Variants in ABCC4 observed in about 807,000 individuals in gnomAD.
ABCC4 encodes ATP binding cassette subfamily C member 4 (PEL blood group).
Under a neutral mutation model 168.5 loss-of-function variants are expected in ABCC4, and 102 were observed. The observed-to-expected ratio is 0.61, with a 90% confidence interval of 0.52 to 0.71. ABCC4 has a LOEUF of 0.71. ABCC4 is among the 30% of genes least tolerant of loss of function. ABCC4 has a pLI of 0.00. For missense variants in ABCC4, 1,402 were observed against 1,605.8 expected (o/e 0.87, Z 2.17); for synonymous variants, 617 against 590.7 (o/e 1.04, Z -0.65).
At chr13:95,080,640 A>G (rs576244286) in intron 21 of ABCC4, among the ~76,000 whole-genome samples, 30 of 152,206 alleles carry the variant, frequency 2.0e-4, no homozygotes, top group African/African-American at 7.0e-4. Flanking sequence ...CGCCCAGCTA[A>G]TTTTGTATTT....
In ABCC4 at chr13:95,074,247, T is replaced by C. The variant is rs1566393904; in HGVS notation, c.2884A>G (p.Ile962Val). The change falls in exon 23 of 31, where the codon ATC (isoleucine) becomes GTC (valine). Residue 962 changes from isoleucine to valine, a missense_variant. Physicochemically the swap from Ile to Val is conservative, Grantham distance 29. Around this residue, in one of 3 missense-constraint regions of ABCC4, gnomAD observed 1,007 missense variants for 1,127.3 expected, o/e 0.89. Transcript: ENST00000645237. ...AGAATCAGGGACCCAAAGGCAACGA[T>C]GATGACAAACATGGCACAGATGGCA... ...LDAICAMFVI[I>V]VAFGSLILAK... The C allele has an allele frequency of 1.2e-6, 2 of 1,614,018 alleles. No homozygotes were observed. Among genetic ancestry groups the C allele is most frequent in the Admixed American group, 1.7e-5 (1 of 60,002 alleles).
In ABCC4 at chr13:95,177,895, C is replaced by T. The variant is rs2037760885; in HGVS notation, c.1640+102G>A. The T allele has an allele frequency of 2.7e-6, 4 of 1,495,984 alleles. No homozygotes were observed. The East Asian group carries it at 9.1e-5, about 34-fold the overall frequency. 92.7% of individuals were successfully genotyped at this position (1,495,984 alleles called of 1,614,324 possible). ...GCCAACAGAATAACCCAAGAAGGTG[C>T]TTCACACAGGACGCAATACACAGTA... On this transcript the variant is annotated intron_variant, in intron 12 of 30. Transcript: ENST00000645237.
intron 3 of ABCC4, among the ~76,000 whole-genome samples, chr13:95,246,542 T>A (rs912300059): frequency 6.6e-6 from 1 of 152,192 alleles, no homozygotes; most frequent in Non-Finnish European, 1.5e-5. Flanking sequence ...ACCTGTAAAA[T>A]GTCTTACATT....
intron 21 of ABCC4, among the ~76,000 whole-genome samples, chr13:95,076,802 C>T (rs1351257): frequency 0.24 from 35,911 of 151,798 alleles, 4,502 homozygotes; most frequent in African/African-American, 0.32. Flanking sequence ...ACTCTGTCAC[C>T]GAGGCTGGGT....
intron 3 of ABCC4, among the ~76,000 whole-genome samples, chr13:95,237,714 C>T (rs774930865): frequency 1.6e-4 from 25 of 152,202 alleles, no homozygotes; most frequent in South Asian, 8.3e-4. Context: ...AGCGGGCACG[C>T]GGCCTCCATG....
At chr13:95,182,649 C>T (rs1034931258) in intron 11 of ABCC4, among the ~76,000 whole-genome samples, 4 of 152,158 alleles carry the variant, frequency 2.6e-5, no homozygotes. Flanking sequence ...AAATCTTATC[C>T]TCACAATAGC....
At chr13:95,080,661 T>C (rs2034064486) in intron 21 of ABCC4, among the ~76,000 whole-genome samples, 1 of 152,206 alleles carries the variant, frequency 6.6e-6, no homozygotes, top group African/African-American at 2.4e-5. Flanking sequence ...TTAGCAGAGA[T>C]GGGGTTTCTC....
At chr13:95,233,603 C>G (rs1422634919) in intron 4 of ABCC4, among the ~76,000 whole-genome samples, 1 of 151,994 alleles carries the variant, frequency 6.6e-6, no homozygotes, top group Non-Finnish European at 1.5e-5. Flanking sequence ...CAGCATCACA[C>G]AATACACCCA....
At chr13:95,108,891 A>G (rs1267385373) in intron 20 of ABCC4, among the ~76,000 whole-genome samples, 1 of 151,830 alleles carries the variant, frequency 6.6e-6, no homozygotes, top group Non-Finnish European at 1.5e-5. Context: ...ACCTGCCCCC[A>G]TATCTTCTTT....
intron 13 of ABCC4, among the ~76,000 whole-genome samples, chr13:95,175,453 C>A (rs2037643174): frequency 6.6e-6 from 1 of 152,140 alleles, no homozygotes; most frequent in Non-Finnish European, 1.5e-5. Context: ...GCTGGGATTA[C>A]AGGCACCCGC....
At chr13:95,244,935 C>T (rs1026292625) in intron 3 of ABCC4, among the ~76,000 whole-genome samples, 4 of 151,868 alleles carry the variant, frequency 2.6e-5, no homozygotes, top group Non-Finnish European at 5.9e-5. Flanking sequence ...CAACTGTACC[C>T]ATATTAAAGC....
chr13:95,276,144 T>C (rs1363033354), intron 1 of ABCC4, among the ~76,000 whole-genome samples: 6 of 152,124 alleles, frequency 3.9e-5, no homozygotes, highest in Non-Finnish European at 7.4e-5. Flanking sequence ...CTGAGCACAA[T>C]GGTTCATGCC....
intron 30 of ABCC4, among the ~76,000 whole-genome samples, chr13:95,031,144 T>C (rs117958596): frequency 1.3e-5 from 2 of 152,214 alleles, no homozygotes; most frequent in African/African-American, 2.4e-5. Context: ...ATTTAAAAGG[T>C]TGACAATCTG....
chr13:95,278,830 A>AC (rs2041039692), intron 1 of ABCC4, among the ~76,000 whole-genome samples: 1 of 151,004 alleles, frequency 6.6e-6, no homozygotes, highest in African/African-American at 2.4e-5. Flanking sequence ...AAAAAAAAAA[A>AC]AAACACAGAC....
At chr13:95,280,267 A>C (rs1249664611) in intron 1 of ABCC4, among the ~76,000 whole-genome samples, 1 of 151,928 alleles carries the variant, frequency 6.6e-6, no homozygotes. Context: ...AATACAAAAA[A>C]TTAACCAGGT....
chr13:95,120,801 C>T (rs1213249616), intron 19 of ABCC4, among the ~76,000 whole-genome samples: 1 of 152,168 alleles, frequency 6.6e-6, no homozygotes, highest in Non-Finnish European at 1.5e-5. Flanking sequence ...AGAGAATTGA[C>T]CTGTGCACTC....
At chr13:95,212,374 C>T (rs1434179723) in intron 4 of ABCC4, among the ~76,000 whole-genome samples, 1 of 152,062 alleles carries the variant, frequency 6.6e-6, no homozygotes, top group Non-Finnish European at 1.5e-5. Flanking sequence ...GTCTTACATA[C>T]AAAATGTTAA....
chr13:95,043,555 G>C (rs2032450213), intron 29 of ABCC4, 127 bp downstream of exon 29: 6 of 679,780 alleles, frequency 8.8e-6, no homozygotes, highest in Non-Finnish European at 1.2e-5. Context: ...ATTACTGCTG[G>C]GAAGAGAGCC....
At chr13:95,225,153 TCACACACACACACACACACA>T (rs61398515) in intron 4 of ABCC4, among the ~76,000 whole-genome samples, 1 of 35,226 alleles carries the variant, frequency 2.8e-5, no homozygotes, top group East Asian at 8.8e-4. Context: ...TCTCTCTCTC[TCACACACACACACACACACA>T]CACACACACA....
Sources: gnomAD v4.1 joint callset for allele counts (sites outside exome capture counted in the v4.1 genomes callset) on GRCh38, gnomAD v4.1.1 for gene constraint, gnomAD v4.1.1 regional missense constraint, MANE v1.5 for transcripts, NCBI Gene and HGNC (gene_info 2026-07-23, HGNC 2026-07-21) for gene names.